NAV2: variants seen among roughly 807,000 people sequenced by gnomAD.
The protein encoded by NAV2 is neuron navigator 2, also known as helicase, APC down-regulated 1.
In NAV2, 54 loss-of-function variants were observed where a neutral mutation model predicts 223.2. That is an observed-to-expected ratio of 0.24 (90% CI 0.19 to 0.30). The LOEUF (loss-of-function observed/expected upper bound fraction) is 0.30. NAV2 is among the 10% of genes least tolerant of loss of function. NAV2 has a pLI of 1.00. For synonymous variants in NAV2, 1,279 were observed against 1,239.3 expected, an observed-to-expected ratio of 1.03 and a Z score of -0.67; for missense variants, 2,806 against 3,147.5, an observed-to-expected ratio of 0.89 and a Z score of 2.60.
intron 25 of NAV2, among the ~76,000 whole-genome samples, chr11:20,080,578 G>T (rs957769380): frequency 3.7e-4 from 52 of 140,346 alleles, no homozygotes; most frequent in Admixed American, 3.3e-3. Context: ...ATATTTTTTT[G>T]AGCATATTGC....
chr11:19,775,050 A>T lies in NAV2; in HGVS notation c.268-57434A>T, dbSNP rs150366374. ...ACACAATCAGGATTTTGGATTCTTTATCCAGCCACTCAACTCCAAGGAACT... is the reference window on the plus strand; with the variant it reads ...ACACAATCAGGATTTTGGATTCTTTTTCCAGCCACTCAACTCCAAGGAACT... On this transcript the variant is annotated intron_variant, in intron 1 of 37. Transcript: ENST00000349880. 7.9e-5 allele frequency among the ~76,000 whole-genome samples: 12 copies of T among 152,306 alleles called. No homozygotes were observed. In the East Asian group the frequency reaches 2.3e-3, roughly 29 times the overall value.
chr11:19,706,387 A>C (rs1465637083), intron 1 of NAV2, among the ~76,000 whole-genome samples: 1 of 152,204 alleles, frequency 6.6e-6, no homozygotes, highest in African/African-American at 2.4e-5. Flanking sequence ...CTATTACTTT[A>C]GGTTTTTTGT....
At chr11:20,054,757 A>G (rs1230771858) in intron 18 of NAV2, among the ~76,000 whole-genome samples, 9 of 152,244 alleles carry the variant, frequency 5.9e-5, no homozygotes, top group Non-Finnish European at 1.2e-4. Context: ...TACTTCTGAC[A>G]TAATGCTTTG....
chr11:20,013,958 G>C (rs992577841), intron 11 of NAV2, among the ~76,000 whole-genome samples: 19 of 152,300 alleles, frequency 1.2e-4, no homozygotes, highest in Middle Eastern at 3.4e-3. Flanking sequence ...CAGATGTAGG[G>C]GCTCAGCCCC....
intron 1 of NAV2, among the ~76,000 whole-genome samples, chr11:19,618,492 AGATG>A (rs72080375): frequency 0.69 from 93,763 of 136,704 alleles, 33,735 homozygotes; most frequent in East Asian, 0.86. Context: ...CTGTCTGGAT[AGATG>A]GATGGATGGA....
At chr11:19,551,553 C>T (rs548194469) in intron 1 of NAV2, among the ~76,000 whole-genome samples, 6 of 152,368 alleles carry the variant, frequency 3.9e-5, no homozygotes, top group Non-Finnish European at 7.3e-5. Flanking sequence ...GCCCTGTCAG[C>T]TCCCTCCCTG....
At chr11:19,691,787 C>A (rs1189632122) in intron 1 of NAV2, among the ~76,000 whole-genome samples, 1 of 152,172 alleles carries the variant, frequency 6.6e-6, no homozygotes, top group Admixed American at 6.5e-5. Context: ...AAGACAAGGG[C>A]AAAGAAGCCC....
intron 1 of NAV2, among the ~76,000 whole-genome samples, chr11:19,769,512 A>C (rs935527125): frequency 1.3e-5 from 2 of 152,078 alleles, no homozygotes; most frequent in South Asian, 2.1e-4. Context: ...CCCTCAACTC[A>C]TGTTTGTGGA....
intron 3 of NAV2, among the ~76,000 whole-genome samples, chr11:19,851,684 A>T (rs1172822769): frequency 6.6e-6 from 1 of 152,226 alleles, no homozygotes; most frequent in Admixed American, 6.5e-5. Context: ...ATGGTACATC[A>T]AAAGATTTTT....
intron 4 of NAV2, among the ~76,000 whole-genome samples, chr11:19,875,434 A>C (rs1185955085): frequency 6.6e-6 from 1 of 152,212 alleles, no homozygotes. Context: ...TGAAAAACAG[A>C]ATGGCTGTAT....
At chr11:19,593,441 C>T (rs1411194562) in intron 1 of NAV2, among the ~76,000 whole-genome samples, 1 of 152,158 alleles carries the variant, frequency 6.6e-6, no homozygotes, top group Non-Finnish European at 1.5e-5. Context: ...ATGGTTTAAC[C>T]AGGAAAAGTA....
In NAV2 at chr11:20,004,582, T is replaced by C. The variant is rs544144156; in HGVS notation, c.2768+20335T>C. Among the ~76,000 whole-genome samples, 6 of 152,246 alleles carry C rather than the reference T, an allele frequency of 3.9e-5. No individual in the cohort carries two copies. In the South Asian group the frequency reaches 1.2e-3, roughly 32 times the overall value. ...GTATTCTGATCAGGTTACAGTGACT[T>C]TTTTCAGAGGGGCTCAGTCCTGCCA... On this transcript the variant is annotated intron_variant, in intron 11 of 37. Coordinates refer to ENST00000349880, the MANE Select transcript of NAV2 (RefSeq NM_145117.5).
intron 11 of NAV2, among the ~76,000 whole-genome samples, chr11:20,020,125 T>C (rs979943497): frequency 6.6e-6 from 1 of 152,230 alleles, no homozygotes; most frequent in African/African-American, 2.4e-5. Context: ...TAGCATTGTT[T>C]TCATAAAATA....
chr11:19,643,610 T>A (rs914363852), intron 1 of NAV2, among the ~76,000 whole-genome samples: 1 of 152,178 alleles, frequency 6.6e-6, no homozygotes, highest in African/African-American at 2.4e-5. Flanking sequence ...TTGTGAATAG[T>A]GCCACAATAA....
intron 5 of NAV2, among the ~76,000 whole-genome samples, chr11:19,888,998 A>C (rs1377513903): frequency 6.6e-6 from 1 of 152,156 alleles, no homozygotes; most frequent in African/African-American, 2.4e-5. Context: ...TCCGGGTAAG[A>C]TTGAGCATTC....
At chr11:19,514,310 A>G (rs2043372574) in intron 1 of NAV2, among the ~76,000 whole-genome samples, 1 of 152,140 alleles carries the variant, frequency 6.6e-6, no homozygotes, top group Non-Finnish European at 1.5e-5. Context: ...TACTAGAACA[A>G]CAATTCTGTT....
At chr11:20,041,609 T>TA (rs1325603625) in intron 12 of NAV2, among the ~76,000 whole-genome samples, 6 of 152,330 alleles carry the variant, frequency 3.9e-5, no homozygotes, top group Middle Eastern at 3.4e-3. Context: ...TAGAATATGT[T>TA]AAAATGTACT....
chr11:19,598,232 C>T (rs1434083832), intron 1 of NAV2, among the ~76,000 whole-genome samples: 2 of 152,212 alleles, frequency 1.3e-5, no homozygotes, highest in Non-Finnish European at 2.9e-5. Flanking sequence ...GTCCAACAGA[C>T]CTTTCTAGCA....
intron 37 of NAV2, among the ~76,000 whole-genome samples, chr11:20,115,014 C>T (rs749921300): frequency 1.3e-5 from 2 of 152,146 alleles, no homozygotes; most frequent in Non-Finnish European, 2.9e-5. Flanking sequence ...TATTAGATAA[C>T]AGATTAAGAA....
Sources: allele counts gnomAD v4.1 joint callset (sites outside exome capture counted in the v4.1 genomes callset), GRCh38; gene constraint gnomAD v4.1.1; transcripts MANE v1.5; gene names NCBI Gene and HGNC (gene_info 2026-07-23, HGNC 2026-07-21).